ZNF599: variants seen among roughly 807,000 people sequenced by gnomAD.
ZNF599 encodes the protein zinc finger protein 599.
Under a neutral mutation model 11.7 loss-of-function variants are expected in ZNF599, and 10 were observed. The observed-to-expected ratio is 0.86, with a 90% CI of 0.53 to 1.45. The LOEUF is 1.45. ZNF599 is among the 40% of genes most tolerant of loss of function. The probability of loss-of-function intolerance (pLI) is 0.00; values close to 1 mark genes in which losing one functional copy is unlikely to be tolerated. For synonymous variants in ZNF599, 232 were observed against 253.2 expected, an observed-to-expected ratio of 0.92 and a Z score of 0.79; for missense variants, 688 against 713.6, an observed-to-expected ratio of 0.96 and a Z score of 0.41.
In ZNF599 at chr19:34,765,663, C is replaced by G. The variant is rs200640537; in HGVS notation, c.241+1653G>C. ...GAAGCTGCAGGATAAGTCAGATGAA[C>G]ATGAATCAGTAAGTGTCAAAAAGCA... On this transcript the variant is annotated intron_variant, in intron 3 of 3. Coordinates refer to ENST00000329285, the MANE Select transcript of ZNF599 (RefSeq NM_001007248.3). 3.0e-5 allele frequency: 21 copies of G among 702,874 alleles called. 1 individual carries two copies. The South Asian group carries it at 3.1e-4, about 10-fold the overall frequency. The allele number at this position is 702,874 out of a possible 1,614,324, so 43.5% of individuals were successfully genotyped here. A position where few individuals can be genotyped will look rare whatever the true frequency, so the allele number is the denominator to read the frequency against.
At position 34,759,118 on chromosome 19, in the gene ZNF599, T is replaced by G. The variant is rs775217561; in HGVS notation, c.1683A>C (p.Lys561Asn). The change falls in exon 4 of 4, where the codon AAA becomes AAC. Residue 561 changes from lysine to asparagine, a missense_variant. Transcript: ENST00000329285. ...TQHMRTHTGE[K>N]PFECNECGKT... ...TTCCACATTCATTGCATTCAAAGGG[T>G]TTCTCTCCAGTGTGAGTTCTCATGT... The G allele has an allele frequency of 6.2e-7, 1 of 1,614,186 alleles. No homozygotes were observed. The highest frequency in any genetic ancestry group is 1.1e-5 in the South Asian group (1 of 91,084).
At chr19:34,801,423 T>G in the ZNF599 span, among the ~76,000 whole-genome samples, 1 of 152,240 alleles carries the variant, frequency 6.6e-6, no homozygotes, top group African/African-American at 2.4e-5. Flanking sequence ...CTTTCTCCAG[T>G]GTGAATTCAC....
chr19:34,766,076 T>G (rs1203509041), intron 3 of ZNF599, among the ~76,000 whole-genome samples: 1 of 152,002 alleles, frequency 6.6e-6, no homozygotes, highest in Non-Finnish European at 1.5e-5. Flanking sequence ...AAAATGGGGG[T>G]GATCATGAGG....
the ZNF599 span, among the ~76,000 whole-genome samples, chr19:34,807,414 C>T: frequency 6.6e-6 from 1 of 152,232 alleles, no homozygotes; most frequent in East Asian, 1.9e-4. Flanking sequence ...CAGCCCAGCA[C>T]TGACACGAGA....
the ZNF599 span, among the ~76,000 whole-genome samples, chr19:34,781,088 G>A: frequency 2.6e-5 from 4 of 151,904 alleles, no homozygotes; most frequent in Admixed American, 6.6e-5. Context: ...CCCGGGAGGC[G>A]GAGTTTGCAG....
In ZNF599 at chr19:34,767,314, A is replaced by C; in HGVS notation, c.241+2T>G. The C allele has an allele frequency of 1.2e-6, 2 of 1,613,722 alleles. No homozygotes were observed. The highest frequency in any genetic ancestry group is 1.7e-6 in the Non-Finnish European group (2 of 1,179,688). On this transcript the variant is annotated splice_donor_variant, in intron 3 of 3. Transcript: ENST00000329285. LOFTEE classifies it high-confidence loss of function. ...CCCGCTGCCAGACTCTCAGTCACCA[A>C]CCTGCGCAGGTGCTTTGGGAGAGGC...
At chr19:34,783,731 A>AGCAAGATCGTACTT in the ZNF599 span, among the ~76,000 whole-genome samples, 1 of 152,178 alleles carries the variant, frequency 6.6e-6, no homozygotes, top group Admixed American at 6.5e-5. Context: ...TCCCAGTGTC[A>AGCAAGATCGTACTT]GCAAGATCGT....
chr19:34,777,575 A>ATT (rs1393342969), upstream of ZNF599, among the ~76,000 whole-genome samples: 2 of 128,038 alleles, frequency 1.6e-5, no homozygotes, highest in Non-Finnish European at 3.1e-5. Flanking sequence ...ATAAATATAT[A>ATT]TTTATATATA....
chr19:34,804,380 C>T, the ZNF599 span, among the ~76,000 whole-genome samples: 1 of 152,254 alleles, frequency 6.6e-6, no homozygotes. Context: ...GCTCAGTTCT[C>T]TCCCTTCAGC....
the ZNF599 span, among the ~76,000 whole-genome samples, chr19:34,806,854 C>T: frequency 6.6e-6 from 1 of 152,242 alleles, no homozygotes; most frequent in East Asian, 1.9e-4. Flanking sequence ...CTATGGCGGC[C>T]AAGCTGGTAC....
chr19:34,790,656 TAGAC>T, the ZNF599 span, among the ~76,000 whole-genome samples: 2 of 152,126 alleles, frequency 1.3e-5, no homozygotes, highest in Admixed American at 6.5e-5. Context: ...AAATTTCAGT[TAGAC>T]AGGAGGAATA....
Position 34,760,107 on chromosome 19 carries a change from A to G in ZNF599, c.694T>C (p.Cys232Arg). The G allele has an allele frequency of 2.5e-6, 4 of 1,614,004 alleles. No homozygotes were observed. In the South Asian group the frequency reaches 4.4e-5, roughly 18 times the overall value. Residue 232 changes from cysteine to arginine, a missense_variant, in exon 4 of 4, where the codon TGT becomes CGT. Cys to Arg is a radical substitution (Grantham distance 180). Coordinates refer to ENST00000329285, the MANE Select transcript of ZNF599 (RefSeq NM_001007248.3). ...GCCATATAACGACAGGCTTTCCCAC[A>G]CTCATTGCACTCATAGGGCTTCACT... ...AGVKPYECNE[C>R]GKACRYMADV...
chr19:34,792,303 A>G, the ZNF599 span, among the ~76,000 whole-genome samples: 4 of 152,184 alleles, frequency 2.6e-5, no homozygotes, highest in Admixed American at 2.0e-4. Flanking sequence ...CCACCTGGGG[A>G]TGCCTTGATT....
In ZNF599 at chr19:34,769,519, T is replaced by C; in HGVS notation, c.55A>G (p.Thr19Ala). 6.2e-7 allele frequency: 1 copy of C among 1,614,136 alleles called. No individual in the cohort carries two copies. Reference protein sequence around the residue: ...VSFEDVVVTFTGEEWGHLDLA... With the variant: ...VSFEDVVVTFAGEEWGHLDLA... The stretch of plus-strand genomic sequence containing the variant: ...TCCAGGTGCCCCCATTCCTCTCCAG[T>C]GAAGGTCACAACCACGTCTTCAAAT... Residue 19 changes from threonine (T) to alanine (A), a missense_variant, in exon 2 of 4, where the codon ACT becomes GCT. Physicochemically the swap from Thr to Ala is moderately conservative, Grantham distance 58 (BLOSUM62 0). Coordinates refer to ENST00000329285, the MANE Select transcript of ZNF599 (RefSeq NM_001007248.3).
At chr19:34,796,401 C>T in the ZNF599 span, among the ~76,000 whole-genome samples, 3 of 151,858 alleles carry the variant, frequency 2.0e-5, no homozygotes, top group African/African-American at 7.3e-5. Flanking sequence ...ACCTCCGCCT[C>T]CTGGGTTCAA....
At chr19:34,790,597 G>A in the ZNF599 span, among the ~76,000 whole-genome samples, 10 of 152,240 alleles carry the variant, frequency 6.6e-5, no homozygotes, top group African/African-American at 2.4e-4. Context: ...CGGAAGGCCT[G>A]GGGGGAGGAG....
upstream of ZNF599, among the ~76,000 whole-genome samples, chr19:34,776,538 G>A (rs747860427): frequency 2.4e-4 from 37 of 152,144 alleles, no homozygotes; most frequent in Non-Finnish European, 4.6e-4. Context: ...GCAAGGCAGC[G>A]GCTGTTTCTA....
chr19:34,796,716 T>C, the ZNF599 span, among the ~76,000 whole-genome samples: 1 of 152,200 alleles, frequency 6.6e-6, no homozygotes, highest in Admixed American at 6.5e-5. Context: ...GGAGAGCTTT[T>C]TGAACCTGGC....
the ZNF599 span, among the ~76,000 whole-genome samples, chr19:34,792,575 T>A: frequency 1.3e-5 from 2 of 152,156 alleles, no homozygotes; most frequent in Non-Finnish European, 2.9e-5. Flanking sequence ...AATTAATCCT[T>A]GTGAGGGGCC....
Sources: allele counts gnomAD v4.1 joint callset (sites outside exome capture counted in the v4.1 genomes callset), GRCh38; gene constraint gnomAD v4.1.1; transcripts MANE v1.5; gene names NCBI Gene and HGNC (gene_info 2026-07-23, HGNC 2026-07-21).